ZC3H12B: variants seen among roughly 807,000 people sequenced by gnomAD.
ZC3H12B encodes zinc finger CCCH-type containing 12B.
In ZC3H12B, 7 loss-of-function variants were observed where a neutral mutation model predicts 43.9. The ratio of observed to expected loss-of-function variants is 0.16; its 90% confidence interval spans 0.09 to 0.30. The LOEUF (loss-of-function observed/expected upper bound fraction) is 0.30. ZC3H12B is among the 10% of genes least tolerant of loss of function. The pLI is 1.00. For synonymous variants in ZC3H12B, 222 were observed against 241.7 expected (o/e 0.92, Z 0.76); for missense variants, 475 against 670.2 (o/e 0.71, Z 3.22).
the ZC3H12B span, among the ~76,000 whole-genome samples, chrX:65,311,446 A>G: frequency 8.9e-6 from 1 of 112,134 alleles, no homozygotes; most frequent in Non-Finnish European, 1.9e-5. Flanking sequence ...ACAATGAGAT[A>G]CCATTTCACA....
the ZC3H12B span, among the ~76,000 whole-genome samples, chrX:65,242,047 G>T: frequency 1.8e-5 from 2 of 111,454 alleles, no homozygotes; most frequent in East Asian, 5.6e-4. Context: ...TGTGGAAGAA[G>T]TGTGGTTTCC....
the ZC3H12B span, among the ~76,000 whole-genome samples, chrX:65,154,024 GAAC>G: frequency 1.8e-5 from 2 of 110,852 alleles, no homozygotes; most frequent in Non-Finnish European, 3.8e-5. Flanking sequence ...GGTGGGAATT[GAAC>G]AACGAGAACA....
intron 3 of ZC3H12B, among the ~76,000 whole-genome samples, chrX:65,441,893 C>A (rs774749828): frequency 1.1e-3 from 124 of 110,350 alleles, no homozygotes; most frequent in Middle Eastern, 4.6e-3. Context: ...GGGCCCGGGA[C>A]GGGCCCCTCA....
chrX:65,303,496 A>G, the ZC3H12B span, among the ~76,000 whole-genome samples: 20 of 112,501 alleles, frequency 1.8e-4, no homozygotes, highest in East Asian at 5.5e-3. Flanking sequence ...TCCATCATCC[A>G]TTTTTAATAA....
chrX:65,152,893 A>G, the ZC3H12B span, among the ~76,000 whole-genome samples: 3 of 111,613 alleles, frequency 2.7e-5, no homozygotes, highest in Non-Finnish European at 3.8e-5. Flanking sequence ...AGATATAGAT[A>G]AATGGAACAG....
At chrX:65,276,826 T>G in the ZC3H12B span, among the ~76,000 whole-genome samples, 1 of 110,270 alleles carries the variant, frequency 9.1e-6, no homozygotes, top group East Asian at 2.8e-4. Context: ...GGAGAGTGAG[T>G]AAAGAGCAAA....
the ZC3H12B span, among the ~76,000 whole-genome samples, chrX:65,280,481 GAAC>G: frequency 9.0e-6 from 1 of 111,714 alleles, no homozygotes; most frequent in Non-Finnish European, 1.9e-5. Flanking sequence ...CTAAGAACTA[GAAC>G]AAGACAAAGA....
intron 3 of ZC3H12B, among the ~76,000 whole-genome samples, chrX:65,447,994 A>C (rs1189516104): frequency 9.0e-6 from 1 of 111,359 alleles, no homozygotes; most frequent in African/African-American, 3.3e-5. Context: ...GCACTTTGGG[A>C]GTCTGAGGCA....
the ZC3H12B span, among the ~76,000 whole-genome samples, chrX:65,349,610 CA>C: frequency 2.7e-5 from 3 of 110,336 alleles, no homozygotes; most frequent in African/African-American, 9.8e-5. Context: ...AATAGATAGC[CA>C]GACTAATAAA....
At chrX:65,446,627 G>A (rs1350074107) in intron 3 of ZC3H12B, among the ~76,000 whole-genome samples, 3 of 111,795 alleles carry the variant, frequency 2.7e-5, no homozygotes, top group African/African-American at 6.5e-5. Context: ...CGCTGTGACA[G>A]GATAGCACTG....
chrX:65,380,147 C>T (rs1036955443), intron 2 of ZC3H12B, among the ~76,000 whole-genome samples: 2 of 111,475 alleles, frequency 1.8e-5, no homozygotes, highest in Non-Finnish European at 3.8e-5. Flanking sequence ...CACCAACAAA[C>T]ATAATTGTCA....
At chrX:65,107,158 G>T in the ZC3H12B span, among the ~76,000 whole-genome samples, 3 of 111,653 alleles carry the variant, frequency 2.7e-5, no homozygotes, top group Non-Finnish European at 5.7e-5. Flanking sequence ...AGATTAGGAA[G>T]GACCTTGAAT....
At chrX:65,070,843 T>G in the ZC3H12B span, among the ~76,000 whole-genome samples, 1 of 104,078 alleles carries the variant, frequency 9.6e-6, no homozygotes, top group Non-Finnish European at 2.0e-5. Flanking sequence ...TTTTTTTAGT[T>G]TGCTGAGGGT....
At chrX:65,382,220 C>A (rs1038713370) in intron 2 of ZC3H12B, among the ~76,000 whole-genome samples, 1 of 109,919 alleles carries the variant, frequency 9.1e-6, no homozygotes, top group Non-Finnish European at 1.9e-5. Context: ...ACTGGCAAAC[C>A]GAATCCAGCA....
chrX:65,284,819 A>G, the ZC3H12B span, among the ~76,000 whole-genome samples: 12 of 111,951 alleles, frequency 1.1e-4, no homozygotes, highest in African/African-American at 3.9e-4. Flanking sequence ...AATAGAAATT[A>G]TGAAACTGCA....
chrX:65,427,339 A>T (rs1465464894), intron 3 of ZC3H12B, among the ~76,000 whole-genome samples: 1 of 108,980 alleles, frequency 9.2e-6, no homozygotes, highest in African/African-American at 3.4e-5. Context: ...CTTTATTTTA[A>T]TTTTTTTGAG....
At chrX:65,239,831 G>T in the ZC3H12B span, among the ~76,000 whole-genome samples, 2 of 111,789 alleles carry the variant, frequency 1.8e-5, no homozygotes, top group African/African-American at 6.5e-5. Context: ...TCTCACTTGT[G>T]AAGCTTAGTT....
chrX:65,349,474 C>A, the ZC3H12B span, among the ~76,000 whole-genome samples: 1 of 111,524 alleles, frequency 9.0e-6, no homozygotes, highest in East Asian at 2.8e-4. Context: ...CAACAGCGAA[C>A]AAATTCAAAA....
chrX:65,471,860 G>A (rs1329138971), intron 3 of ZC3H12B, among the ~76,000 whole-genome samples: 1 of 111,473 alleles, frequency 9.0e-6, no homozygotes, highest in Non-Finnish European at 1.9e-5. Flanking sequence ...GTCATTATGA[G>A]GATTGTTACT....
Sources: allele counts gnomAD v4.1 joint callset (sites outside exome capture counted in the v4.1 genomes callset), GRCh38; gene constraint gnomAD v4.1.1; transcripts MANE v1.5; gene names NCBI Gene and HGNC (gene_info 2026-07-23, HGNC 2026-07-21).